PDE4C: variants seen among roughly 807,000 people sequenced by gnomAD.
PDE4C encodes 3',5'-cyclic-AMP phosphodiesterase 4C.
In PDE4C, 50 loss-of-function variants were observed where a neutral mutation model predicts 63.9. That is an observed-to-expected ratio of 0.78 (90% CI 0.62 to 0.99). PDE4C has a LOEUF of 0.99. PDE4C is among the 50% of genes least tolerant of loss of function. The probability of loss-of-function intolerance (pLI) is 0.00; values close to 1 mark genes in which losing one functional copy is unlikely to be tolerated. For missense variants in PDE4C, 777 were observed against 899.1 expected (o/e 0.86, Z 1.74); for synonymous variants, 377 against 385.1 (o/e 0.98, Z 0.25).
At chr19:18,233,609 A>C in exon 1 of PDE4C, 1 of 454,966 alleles carries the variant, frequency 2.2e-6, no homozygotes, top group Non-Finnish European at 4.4e-6. Context: ...ACAGGGTCTC[A>C]GGAGACCCCC....
At chr19:18,226,172 C>G (rs1160593699) in intron 1 of PDE4C, 98 bp downstream of exon 1, 19 of 1,000,624 alleles carry the variant, frequency 1.9e-5, no homozygotes, top group Non-Finnish European at 2.7e-5. Context: ...GACTCCGGCC[C>G]CGGCCCCAGC....
Position 18,220,743 on chromosome 19 carries a change from G to A in PDE4C, c.499+131C>T, listed in dbSNP as rs2148025765. 2.1e-6 allele frequency: 2 copies of A among 940,886 alleles called. No homozygotes were observed. Among genetic ancestry groups the A allele is most frequent in the Non-Finnish European group, 3.4e-6 (2 of 594,146 alleles). The allele number at this position is 940,886 out of a possible 1,614,324, so 58.3% of individuals were successfully genotyped here. ...GAGTGTGGTGGGGTCCATCCCCGAG[G>A]GCGTTATTGTTTTTGCAGGGGCGGG... On this transcript the variant is annotated intron_variant, in intron 5 of 14. Coordinates refer to ENST00000262805, the Ensembl canonical transcript of PDE4C. The surrounding 1 kb of genome is among the most constrained non-coding windows in gnomAD (Gnocchi z 5.1).
intron 1 of PDE4C, among the ~76,000 whole-genome samples, chr19:18,244,380 G>A (rs1358803441): frequency 2.1e-5 from 3 of 145,886 alleles, no homozygotes; most frequent in African/African-American, 5.1e-5. Flanking sequence ...CTGCAGCCTC[G>A]GCCCCCTGGG....
chr19:18,232,859 C>T (rs2148054272), intron 1 of PDE4C: 1 of 1,337,078 alleles, frequency 7.5e-7, no homozygotes, highest in South Asian at 1.6e-5. Context: ...AGACCCCCGC[C>T]CCCTGGAGAA....
upstream of PDE4C, chr19:18,252,565 G>T: frequency 2.5e-6 from 1 of 397,950 alleles, no homozygotes; most frequent in South Asian, 1.4e-4. Flanking sequence ...AGGAATTAGA[G>T]ACCAGCCTGG....
chr19:18,232,873 A>G, intron 1 of PDE4C: 3 of 1,383,824 alleles, frequency 2.2e-6, no homozygotes, highest in Non-Finnish European at 2.8e-6. Context: ...TGGAGAAGCA[A>G]GGACCCTCCC....
intron 1 of PDE4C, chr19:18,224,629 CG>C (rs1211917857): frequency 1.8e-6 from 1 of 555,344 alleles, no homozygotes; most frequent in Non-Finnish European, 2.3e-6. Flanking sequence ...CGAACAAGTC[CG>C]GGTGACGCTC....
chr19:18,217,927 A>G (rs1249977629), intron 11 of PDE4C, among the ~76,000 whole-genome samples: 5 of 152,146 alleles, frequency 3.3e-5, no homozygotes, highest in Non-Finnish European at 7.3e-5. Context: ...TCTTGGTGGA[A>G]CCAGATCAGC....
chr19:18,226,405 G>A (rs1600091373), exon 1 of PDE4C: 1 of 1,444,072 alleles, frequency 6.9e-7, no homozygotes, highest in Non-Finnish European at 9.1e-7. Flanking sequence ...GGGCGCGGGG[G>A]GGCCCTGCAT....
exon 15 of PDE4C, chr19:18,211,246 G>A (rs767924236): frequency 5.6e-6 from 9 of 1,601,434 alleles, no homozygotes; most frequent in Admixed American, 3.4e-5. Context: ...GTCTCCCACA[G>A]TGGGTGAGCA....
At chr19:18,246,375 G>A (rs931027334) in intron 1 of PDE4C, among the ~76,000 whole-genome samples, 15 of 149,268 alleles carry the variant, frequency 1.0e-4, no homozygotes, top group African/African-American at 1.5e-4. Flanking sequence ...TAGAGATAGG[G>A]TCTTACTGTG....
chr19:18,237,557 T>TA (rs1348353979), upstream of PDE4C, among the ~76,000 whole-genome samples: 1 of 144,218 alleles, frequency 6.9e-6, no homozygotes, highest in African/African-American at 2.6e-5. Context: ...ATCTCAAAAA[T>TA]AAAAAATATA....
At chr19:18,216,922 C>CAAGAT (rs1390477933) in intron 11 of PDE4C, 27 bp from the exon 12 acceptor site, 1 of 1,571,868 alleles carries the variant, frequency 6.4e-7, no homozygotes, top group Non-Finnish European at 8.7e-7. Context: ...CTGAGAGCCC[C>CAAGAT]AAGATCCACC....
exon 1 of PDE4C, chr19:18,226,393 G>A (rs1968726708): frequency 6.9e-7 from 1 of 1,454,272 alleles, no homozygotes; most frequent in Non-Finnish European, 9.0e-7. Flanking sequence ...GGGGACCGGG[G>A]CGGGCGCGGG....
At chr19:18,226,341 C>A (rs1344679848) in exon 1 of PDE4C, 3 of 1,534,542 alleles carry the variant, frequency 2.0e-6, no homozygotes, top group Non-Finnish European at 1.7e-6. Flanking sequence ...TCCTGAAGAG[C>A]CCGGGGGAGC....
At chr19:18,213,381 G>T in exon 13 of PDE4C, 1 of 1,613,710 alleles carries the variant, frequency 6.2e-7, no homozygotes, top group South Asian at 1.1e-5. Context: ...GATTCGGTCG[G>T]AATAGTTGTC....
rs773792449 is a variant in PDE4C, at chr19:18,220,477, C to T, written c.538G>A (p.Glu180Lys). ...AACTGATCCAGGCACCAGTCCAGCT[C>T]GTCTAGCGTCTCCAATGCCAGCTTC... Residue 180 changes from glutamate to lysine, a missense_variant, in exon 6 of 15, where the codon GAG (glutamate) becomes AAG (lysine). Glu to Lys is a moderately conservative substitution (Grantham distance 56). Around this residue, in one of 3 missense-constraint regions of PDE4C, gnomAD observed 28 missense variants for 53.5 expected, o/e 0.52. Transcript: ENST00000262805. This position sits in a 1 kb window ranked among gnomAD's most constrained non-coding sequence, Gnocchi z 5.1. 1 of 1,614,186 alleles carries T rather than the reference C, an allele frequency of 6.2e-7. No homozygotes were observed. Among genetic ancestry groups the T allele is most frequent in the South Asian group, 1.1e-5 (1 of 91,086 alleles).
chr19:18,221,902 A>T (rs1470896453), intron 2 of PDE4C, among the ~76,000 whole-genome samples: 1 of 152,172 alleles, frequency 6.6e-6, no homozygotes, highest in Non-Finnish European at 1.5e-5. Flanking sequence ...TTGAGATTAC[A>T]GGCGTGAGCC....
chr19:18,220,475 C>T lies in PDE4C; in HGVS notation c.540G>A (p.Glu180=). ...CCAACTGATCCAGGCACCAGTCCAG[C>T]TCGTCTAGCGTCTCCAATGCCAGCT... Residue 180 remains glutamate, a synonymous_variant, in exon 6 of 15, where the codon GAG becomes GAA. Transcript: ENST00000262805. The surrounding 1 kb of genome is among the most constrained non-coding windows in gnomAD (Gnocchi z 5.1). 1 of 1,614,198 alleles carries T rather than the reference C, an allele frequency of 6.2e-7. No homozygotes were observed. The highest frequency in any genetic ancestry group is 8.5e-7 in the Non-Finnish European group (1 of 1,180,042).
Sources: gnomAD v4.1 joint callset for allele counts (sites outside exome capture counted in the v4.1 genomes callset) on GRCh38, gnomAD v4.1.1 for gene constraint, gnomAD v4.1.1 regional missense constraint, Gnocchi (gnomAD v3.1) non-coding constraint, MANE v1.5 for transcripts, NCBI Gene and HGNC (gene_info 2026-07-23, HGNC 2026-07-21) for gene names.